AHCTF1: variants seen among roughly 807,000 people sequenced by gnomAD.
AHCTF1 encodes protein ELYS.
AHCTF1 carries 24 observed loss-of-function variants against 248.4 expected under a neutral mutation model. The ratio of observed to expected loss-of-function variants is 0.10; its 90% CI spans 0.07 to 0.14. AHCTF1 has a LOEUF of 0.14. AHCTF1 is among the 10% of genes least tolerant of loss of function. The probability of loss-of-function intolerance (pLI) is 1.00; values close to 1 mark genes in which losing one functional copy is unlikely to be tolerated. For missense variants in AHCTF1, 2,206 were observed against 2,636.2 expected, an observed-to-expected ratio of 0.84 and a Z score of 3.57; for synonymous variants, 786 against 929.8, an observed-to-expected ratio of 0.85 and a Z score of 2.81.
chr1:246,917,688 T>C (rs1666241060), intron 2 of AHCTF1, among the ~76,000 whole-genome samples: 1 of 152,202 alleles, frequency 6.6e-6, no homozygotes, highest in Admixed American at 6.5e-5. Context: ...CTCTGCCTGC[T>C]GGGAAGATGG....
chr1:246,901,714 A>C (rs2103174643), intron 8 of AHCTF1, among the ~76,000 whole-genome samples: 1 of 152,294 alleles, frequency 6.6e-6, no homozygotes, highest in African/African-American at 2.4e-5. Context: ...GTTACTTGGG[A>C]GACCGAGATG....
In AHCTF1 at chr1:246,890,033, A is replaced by G. The variant is rs758471964; in HGVS notation, c.2077T>C (p.Cys693Arg). Residue 693 changes from cysteine to arginine, a missense_variant, in exon 17 of 36, where the codon TGC becomes CGC. Coordinates refer to ENST00000648844, the MANE Select transcript of AHCTF1 (RefSeq NM_001323342.2). ...TTCTGAATTACAGGGTAGTTGTAGC[A>G]TAACCTTGACAACTGCACAGAATCA... ...IDDSVQLSRL[C>R]YNYPVIQNYY... 3.1e-6 allele frequency: 5 copies of G among 1,612,878 alleles called. No homozygotes were observed. In the Admixed American group the frequency reaches 6.7e-5, roughly 22 times the overall value.
At chr1:246,872,815 GTAAAACA>G (rs1662692191) in intron 24 of AHCTF1, among the ~76,000 whole-genome samples, 1 of 152,138 alleles carries the variant, frequency 6.6e-6, no homozygotes, top group African/African-American at 2.4e-5. Context: ...CAAGAGGGCA[GTAAAACA>G]TGCTGTAGAT....
At chr1:246,856,142 C>A (rs1425769636) in intron 30 of AHCTF1, among the ~76,000 whole-genome samples, 1 of 152,138 alleles carries the variant, frequency 6.6e-6, no homozygotes, top group African/African-American at 2.4e-5. Flanking sequence ...AATCTGTGGC[C>A]AGTCTTCAAA....
At chr1:246,885,344 T>TCCCATGAA in intron 21 of AHCTF1, 149 bp downstream of exon 21, 1 of 608,826 alleles carries the variant, frequency 1.6e-6, no homozygotes, top group Non-Finnish European at 2.7e-6. Flanking sequence ...CACTGTATTT[T>TCCCATGAA]CAATCTGAAT....
In AHCTF1 at chr1:246,842,774, T is replaced by C; in HGVS notation, c.6528A>G (p.Lys2176=). The C allele has an allele frequency of 6.2e-7, 1 of 1,612,460 alleles. No homozygotes were observed. Among genetic ancestry groups the C allele is most frequent in the Non-Finnish European group, 8.5e-7 (1 of 1,178,830 alleles). The part of the protein sequence containing the change: ...SNKNKLEDEL[K]DDAQSVETLG... ...GAGTTTCTACTGATTGTGCATCATC[T>C]TTCTATGGGTTAAACATTTTAAAAG... is the stretch of plus-strand genomic sequence containing the variant. Residue 2176 remains lysine (K), a splice_region_variant and synonymous_variant, in exon 35 of 36, where the codon AAA becomes AAG. Coordinates refer to ENST00000648844, the MANE Select transcript of AHCTF1 (RefSeq NM_001323342.2).
rs772728498 is a variant in AHCTF1, at chr1:246,891,835, T to A, written c.1889A>T (p.Asn630Ile). 5.6e-6 allele frequency: 9 copies of A among 1,609,116 alleles called. No homozygotes were observed. Among genetic ancestry groups the A allele is most frequent in the Non-Finnish European group, 6.8e-6 (8 of 1,178,496 alleles). Residue 630 changes from asparagine to isoleucine, a missense_variant, in exon 15 of 36, where the codon AAT becomes ATT. Around this residue, in one of 6 missense-constraint regions of AHCTF1, gnomAD observed 650 missense variants for 870.8 expected, o/e 0.75. Coordinates refer to ENST00000648844, the MANE Select transcript of AHCTF1 (RefSeq NM_001323342.2). ...AAAACAGCTCAAGACTATATTAAGA[T>A]TGCTAAGAAGCAAATAGCATTGCTG... ...SIQQCYLLLS[N>I]LNIVLSCFAS...
chr1:246,883,259 T>G (rs1663584956), intron 21 of AHCTF1, among the ~76,000 whole-genome samples: 1 of 152,216 alleles, frequency 6.6e-6, no homozygotes, highest in Non-Finnish European at 1.5e-5. Flanking sequence ...TTATGCAGCT[T>G]AACTTCTCGG....
At chr1:246,930,001 A>G (rs972437143) in intron 1 of AHCTF1, among the ~76,000 whole-genome samples, 5 of 151,994 alleles carry the variant, frequency 3.3e-5, no homozygotes, top group South Asian at 2.1e-4. Flanking sequence ...GCAGTGAGCC[A>G]AGATTGTGCC....
At chr1:246,907,853 C>T (rs1453477649) in intron 4 of AHCTF1, 95 bp from the exon 5 acceptor site, 2 of 1,044,426 alleles carry the variant, frequency 1.9e-6, no homozygotes, top group African/African-American at 1.6e-5. Context: ...ATGAAGTCAA[C>T]TGAGTTAAAT....
chr1:246,846,779 G>A (rs1169916949), intron 33 of AHCTF1, among the ~76,000 whole-genome samples: 1 of 151,894 alleles, frequency 6.6e-6, no homozygotes, highest in Non-Finnish European at 1.5e-5. Context: ...GGAGGTGACA[G>A]GATCTCAATC....
intron 24 of AHCTF1, among the ~76,000 whole-genome samples, chr1:246,871,847 T>C (rs1662610790): frequency 6.6e-6 from 1 of 151,698 alleles, no homozygotes; most frequent in Admixed American, 6.6e-5. Context: ...AAATAAAAAA[T>C]AAAAATTTGA....
chr1:246,864,469 T>C (rs1334176095), intron 26 of AHCTF1, among the ~76,000 whole-genome samples: 2 of 152,226 alleles, frequency 1.3e-5, no homozygotes, highest in Non-Finnish European at 2.9e-5. Flanking sequence ...AAGGCTTCCC[T>C]GGCAATCTAT....
rs139905601 is a variant in AHCTF1, at chr1:246,923,440, A to C, written c.-7-5063T>G. 3.3e-3 allele frequency among the ~76,000 whole-genome samples: 496 copies of C among 152,288 alleles called. 5 individuals carry two copies. Among genetic ancestry groups the C allele is most frequent in the Non-Finnish European group, 4.5e-3 (305 of 68,028 alleles). On this transcript the variant is annotated intron_variant, in intron 1 of 35. Transcript: ENST00000648844. ...AAATAAATAAATAAATACATAAATA[A>C]ATACATAAAATAATTATAATAACTG... is the stretch of plus-strand genomic sequence containing the variant.
rs146002900 is a variant in AHCTF1, at chr1:246,849,516, G to A, written c.6391+99C>T. The A allele has an allele frequency of 2.7e-6, 4 of 1,469,716 alleles. No individual in the cohort carries two copies. In the African/African-American group the frequency reaches 5.7e-5, roughly 21 times the overall value. 91.0% of individuals were successfully genotyped at this position (1,469,716 alleles called of 1,614,324 possible). On this transcript the variant is annotated intron_variant, in intron 33 of 35. Transcript: ENST00000648844. ...TCAATTTTGGTTTGAGGGGGGAAGG[G>A]GAAAAATTCCCTATAAAACCATTTT... is the stretch of plus-strand genomic sequence containing the variant.
intron 29 of AHCTF1, among the ~76,000 whole-genome samples, chr1:246,858,557 CGGAGGCTCATA>C (rs1661277495): frequency 6.6e-6 from 1 of 152,054 alleles, no homozygotes; most frequent in African/African-American, 2.4e-5. Flanking sequence ...TGGCCAGGCA[CGGAGGCTCATA>C]CCTGTAATCC....
At position 246,931,767 on chromosome 1, in the gene AHCTF1, G is replaced by A; in HGVS notation, c.-197C>T. 6.5e-6 allele frequency: 1 copy of A among 153,010 alleles called. No individual in the cohort carries two copies. The highest frequency in any genetic ancestry group is 1.5e-5 in the Non-Finnish European group (1 of 68,656). The allele number at this position is 153,010 out of a possible 1,614,324, so 9.5% of individuals were successfully genotyped here. A position where few individuals can be genotyped will look rare whatever the true frequency, so the allele number is the denominator to read the frequency against. The stretch of plus-strand genomic sequence containing the variant: ...CCGGCCGCCGCCTGCGACCTCCCCG[G>A]CCACCTCAGAGCCACACGCCCCCGA... On this transcript the variant is annotated 5_prime_UTR_variant, in exon 1 of 36. Transcript: ENST00000648844.
intron 29 of AHCTF1, among the ~76,000 whole-genome samples, chr1:246,859,988 G>A (rs773480305): frequency 3.3e-5 from 5 of 152,206 alleles, no homozygotes; most frequent in Middle Eastern, 3.4e-3. Context: ...TTGGCAGGGC[G>A]CGGTGGCTCA....
chr1:246,855,489 T>C (rs533600675), intron 31 of AHCTF1, among the ~76,000 whole-genome samples: 49 of 152,324 alleles, frequency 3.2e-4, no homozygotes, highest in African/African-American at 1.0e-3. Context: ...CATTTGGCTG[T>C]GGACTAGTAA....
Sources: gnomAD v4.1 joint callset for allele counts (sites outside exome capture counted in the v4.1 genomes callset) on GRCh38, gnomAD v4.1.1 for gene constraint, gnomAD v4.1.1 regional missense constraint, MANE v1.5 for transcripts, NCBI Gene and HGNC (gene_info 2026-07-23, HGNC 2026-07-21) for gene names.